Variants in EPC1 observed in about 807,000 individuals in gnomAD.
The protein encoded by EPC1 is enhancer of polycomb homolog 1.
In EPC1, 12 loss-of-function variants were observed where a neutral mutation model predicts 98.4. That is an observed-to-expected ratio of 0.12 (90% CI 0.08 to 0.20). The LOEUF (loss-of-function observed/expected upper bound fraction) is 0.20, where lower values mean the gene tolerates loss of function less well. Among genes scored for constraint, EPC1 ranks in the 10% least tolerant of loss-of-function variants. The probability of loss-of-function intolerance (pLI) is 1.00; values close to 1 mark genes in which losing one functional copy is unlikely to be tolerated. For synonymous variants in EPC1, 357 were observed against 363.9 expected (o/e 0.98, Z 0.21); for missense variants, 729 against 990.5 (o/e 0.74, Z 3.54).
At chr10:32,316,852 A>C (rs1205428037) in intron 1 of EPC1, among the ~76,000 whole-genome samples, 1 of 152,232 alleles carries the variant, frequency 6.6e-6, no homozygotes, top group African/African-American at 2.4e-5. Context: ...AATGAATGAT[A>C]TGCATACTGA....
chr10:32,350,338 T>G (rs1015681093), upstream of EPC1, among the ~76,000 whole-genome samples: 2 of 152,190 alleles, frequency 1.3e-5, no homozygotes, highest in African/African-American at 4.8e-5. Context: ...TATAATGAAA[T>G]GCAGTGGCTA....
chr10:32,290,505 A>AAAAGAAAAAAAAGAAAGAAAG (rs1836948726), intron 6 of EPC1, among the ~76,000 whole-genome samples: 20 of 77,520 alleles, frequency 2.6e-4, no homozygotes, highest in African/African-American at 1.1e-3. Flanking sequence ...AAAAAAAAAA[A>AAAAGAAAAAAAAGAAAGAAAG]AAAGAAAGAA....
intron 1 of EPC1, among the ~76,000 whole-genome samples, chr10:32,330,761 C>T (rs907031291): frequency 3.3e-5 from 5 of 151,990 alleles, no homozygotes; most frequent in South Asian, 2.1e-4. Context: ...CAAAGTACTA[C>T]GCATCCTTGA....
intron 1 of EPC1, among the ~76,000 whole-genome samples, chr10:32,314,619 T>C (rs181910561): frequency 3.9e-5 from 6 of 152,360 alleles, no homozygotes; most frequent in East Asian, 1.9e-4. Flanking sequence ...ATGAAAAACA[T>C]TGCCTTTTCA....
chr10:32,303,585 CACCCGTGA>C (rs1162819626), intron 2 of EPC1, among the ~76,000 whole-genome samples: 1 of 152,144 alleles, frequency 6.6e-6, no homozygotes, highest in Non-Finnish European at 1.5e-5. Context: ...ATTTATGTAA[CACCCGTGA>C]ACATAATTAT....
rs537400545 is a variant in EPC1, at chr10:32,324,005, G to A, written c.154-18074C>T. On this transcript the variant is annotated intron_variant, in intron 1 of 13. Transcript: ENST00000319778. ...GGCTGGAGAGCAGTGGCGCGATCTCGGCTCACTGCAAGCTCCGCCTCCTAG... is the reference window on the plus strand; with the variant it reads ...GGCTGGAGAGCAGTGGCGCGATCTCAGCTCACTGCAAGCTCCGCCTCCTAG... Among the ~76,000 whole-genome samples, 71 of 152,020 alleles carry A rather than the reference G, an allele frequency of 4.7e-4. 1 individual carries two copies. The East Asian group carries it at 0.013, about 27-fold the overall frequency.
intron 2 of EPC1, among the ~76,000 whole-genome samples, chr10:32,300,764 T>C (rs1835469029): frequency 6.6e-6 from 1 of 152,088 alleles, no homozygotes; most frequent in Non-Finnish European, 1.5e-5. Context: ...TTTATAATTA[T>C]TGTACTTTTA....
At chr10:32,305,624 A>T in intron 2 of EPC1, 148 bp downstream of exon 2, 1 of 475,364 alleles carries the variant, frequency 2.1e-6, no homozygotes, top group Non-Finnish European at 3.4e-6. Context: ...ATATCATTTT[A>T]AAAGTTGAAA....
At position 32,299,947 on chromosome 10, in the gene EPC1, T is replaced by C. The variant is rs1459702757; in HGVS notation, c.313+5825A>G. On this transcript the variant is annotated intron_variant, in intron 2 of 13. Coordinates refer to ENST00000319778, the MANE Select transcript of EPC1 (RefSeq NM_001272004.3). ...TTTTTATTTTGAGACGGAAGCTCGC[T>C]CTGTTGCCCAAGATGGAGTGCAGTG... is the stretch of plus-strand genomic sequence containing the variant. 2.0e-5 allele frequency among the ~76,000 whole-genome samples: 3 copies of C among 152,070 alleles called. No homozygotes were observed. In the East Asian group the frequency reaches 5.8e-4, roughly 29 times the overall value.
intron 1 of EPC1, among the ~76,000 whole-genome samples, chr10:32,332,018 A>G (rs1837669028): frequency 6.6e-6 from 1 of 152,266 alleles, no homozygotes; most frequent in Admixed American, 6.5e-5. Context: ...ATTTTAGAAT[A>G]CAAAGTTATC....
chr10:32,358,863 A>C (rs1275769132), intron 1 of EPC1, among the ~76,000 whole-genome samples: 1 of 152,202 alleles, frequency 6.6e-6, no homozygotes, highest in Non-Finnish European at 1.5e-5. Context: ...TAGGCTCCAT[A>C]AAATACTGAT....
intron 1 of EPC1, among the ~76,000 whole-genome samples, chr10:32,324,581 T>C (rs1837150957): frequency 6.6e-6 from 1 of 151,986 alleles, no homozygotes; most frequent in African/African-American, 2.4e-5. Flanking sequence ...TACTCTTATT[T>C]ACTTAATAAA....
chr10:32,313,673 C>T (rs1003400462), intron 1 of EPC1, among the ~76,000 whole-genome samples: 3 of 151,956 alleles, frequency 2.0e-5, no homozygotes. Context: ...AGAGAGTCAC[C>T]TGAGGAGTTT....
intron 7 of EPC1, 25 bp downstream of exon 7, chr10:32,287,073 T>C (rs1836727782): frequency 1.2e-6 from 2 of 1,613,972 alleles, no homozygotes; most frequent in East Asian, 2.2e-5. Context: ...CCCTCCTCAA[T>C]GTTCATAGAG....
At chr10:32,282,797 G>A (rs751317606) in intron 10 of EPC1, 2 of 152,198 alleles carry the variant, frequency 1.3e-5, no homozygotes, top group Non-Finnish European at 2.9e-5. Flanking sequence ...GGGTGGAGAA[G>A]ATGGAGATTG....
At chr10:32,285,620 G>A (rs1196378813) in intron 9 of EPC1, 7 of 152,496 alleles carry the variant, frequency 4.6e-5, no homozygotes, top group African/African-American at 1.7e-4. Flanking sequence ...TGAGATTACA[G>A]GCGCCTGCCA....
intron 1 of EPC1, among the ~76,000 whole-genome samples, chr10:32,364,281 G>A (rs974666387): frequency 7.9e-5 from 12 of 151,806 alleles, no homozygotes; most frequent in South Asian, 4.2e-4. Flanking sequence ...TGATCTGCCC[G>A]CCTCAGCCTC....
intron 2 of EPC1, among the ~76,000 whole-genome samples, chr10:32,304,438 A>G (rs1835753482): frequency 6.6e-6 from 1 of 152,216 alleles, no homozygotes; most frequent in African/African-American, 2.4e-5. Context: ...CTGGAAAACA[A>G]CTTTTTAGGT....
chr10:32,311,085 C>T (rs887571293), intron 1 of EPC1, among the ~76,000 whole-genome samples: 8 of 151,916 alleles, frequency 5.3e-5, no homozygotes, highest in East Asian at 3.9e-4. Flanking sequence ...CCAAGGCGGG[C>T]GGATCACGAG....
Sources: allele counts gnomAD v4.1 joint callset (sites outside exome capture counted in the v4.1 genomes callset), GRCh38; gene constraint gnomAD v4.1.1; transcripts MANE v1.5; gene names NCBI Gene and HGNC (gene_info 2026-07-23, HGNC 2026-07-21).